Variants in AFF3 observed in about 807,000 individuals in gnomAD.
AFF3 encodes the protein ALF transcription elongation factor 3.
AFF3 carries 32 observed loss-of-function variants against 129.7 expected under a neutral mutation model. That is an observed-to-expected ratio of 0.25 (90% CI 0.19 to 0.33). The LOEUF (loss-of-function observed/expected upper bound fraction) is 0.33, where lower values mean the gene tolerates loss of function less well. Ranked by LOEUF, AFF3 falls within the 10% of genes least tolerant of loss-of-function variation. AFF3 has a pLI of 1.00. For missense variants in AFF3, 1,373 were observed against 1,592.0 expected (o/e 0.86, Z 2.34); for synonymous variants, 644 against 635.4 (o/e 1.01, Z -0.20).
intron 8 of AFF3, among the ~76,000 whole-genome samples, chr2:99,819,046 T>C (rs777500960): frequency 1.3e-5 from 2 of 152,236 alleles, no homozygotes; most frequent in Admixed American, 6.5e-5. Context: ...TATGCATTTA[T>C]TATGTCTGCA....
At chr2:99,862,819 A>G (rs1450501917) in intron 7 of AFF3, among the ~76,000 whole-genome samples, 3 of 152,272 alleles carry the variant, frequency 2.0e-5, no homozygotes, top group Non-Finnish European at 2.9e-5. Flanking sequence ...GCCAGACACC[A>G]AAAGGTTTCC....
intron 7 of AFF3, among the ~76,000 whole-genome samples, chr2:99,875,749 G>A (rs557018640): frequency 7.9e-5 from 12 of 152,274 alleles, no homozygotes; most frequent in Non-Finnish European, 1.0e-4. Flanking sequence ...CTGGAAGGCC[G>A]GTGAGCTCAG....
chr2:100,052,267 G>C (rs1686396965), intron 4 of AFF3, among the ~76,000 whole-genome samples: 1 of 152,152 alleles, frequency 6.6e-6, no homozygotes, highest in Non-Finnish European at 1.5e-5. Context: ...ATAGGATAAA[G>C]AATACGATTA....
chr2:99,970,884 C>T (rs910975830), intron 7 of AFF3, among the ~76,000 whole-genome samples: 1 of 152,232 alleles, frequency 6.6e-6, no homozygotes, highest in African/African-American at 2.4e-5. Flanking sequence ...GCTTGAGATC[C>T]TCAACCGTCA....
chr2:99,995,418 G>C (rs1246651392), intron 7 of AFF3, among the ~76,000 whole-genome samples: 1 of 151,728 alleles, frequency 6.6e-6, no homozygotes, highest in African/African-American at 2.4e-5. Context: ...TGTCACCCAG[G>C]CTAGAGTGCA....
rs116668943 is a variant in AFF3 at position 99,791,122 on chromosome 2, G to A, written c.922-38821C>T. ...CCGAACTAGGCTATACAGACCACAGGCACTTCAGTGATCATGTTGGCCTGG... is the reference window on the plus strand; with the variant it reads ...CCGAACTAGGCTATACAGACCACAGACACTTCAGTGATCATGTTGGCCTGG... On this transcript the variant is annotated intron_variant, in intron 8 of 24. Transcript: ENST00000672756. Among the ~76,000 whole-genome samples, 1,165 of 152,312 alleles carry A rather than the reference G, an allele frequency of 7.6e-3. 10 individuals are homozygous for A. Among genetic ancestry groups the A allele is most frequent in the Non-Finnish European group, 0.011 (741 of 68,022 alleles).
chr2:99,976,297 G>A (rs1205908889), intron 7 of AFF3, among the ~76,000 whole-genome samples: 3 of 152,064 alleles, frequency 2.0e-5, no homozygotes, highest in Non-Finnish European at 2.9e-5. Context: ...TCAATTAAGA[G>A]TTTTATGTAA....
intron 11 of AFF3, among the ~76,000 whole-genome samples, chr2:99,700,716 A>T (rs185912235): frequency 1.1e-4 from 17 of 152,344 alleles, no homozygotes; most frequent in African/African-American, 4.1e-4. Context: ...GGAGCTGGGA[A>T]GTTCCAGAGC....
intron 15 of AFF3, among the ~76,000 whole-genome samples, chr2:99,588,894 G>C (rs1038051895): frequency 7.2e-5 from 11 of 152,178 alleles, no homozygotes; most frequent in Non-Finnish European, 7.3e-5. Flanking sequence ...CACTTCTCTT[G>C]TGTCTGTGTT....
At chr2:99,592,385 G>T (rs1212491972) in intron 15 of AFF3, among the ~76,000 whole-genome samples, 1 of 152,140 alleles carries the variant, frequency 6.6e-6, no homozygotes, top group Non-Finnish European at 1.5e-5. Flanking sequence ...ACAGCTGCTG[G>T]TTCTGATGCT....
intron 4 of AFF3, among the ~76,000 whole-genome samples, chr2:100,054,950 G>A (rs1007732928): frequency 6.6e-6 from 1 of 152,152 alleles, no homozygotes; most frequent in African/African-American, 2.4e-5. Context: ...TCTCCAACAG[G>A]TGTGATTTGA....
chr2:99,709,055 CA>C (rs1305525605), intron 11 of AFF3, among the ~76,000 whole-genome samples: 1 of 152,012 alleles, frequency 6.6e-6, no homozygotes, highest in African/African-American at 2.4e-5. Context: ...GAAGGAGAAA[CA>C]AAATAATCAC....
intron 4 of AFF3, among the ~76,000 whole-genome samples, chr2:100,043,100 C>T (rs1685568581): frequency 6.6e-6 from 1 of 151,680 alleles, no homozygotes. Context: ...CAAGTGCAAA[C>T]AGACTTCAGC....
chr2:99,830,806 C>T (rs763399312), intron 8 of AFF3, among the ~76,000 whole-genome samples: 2 of 152,200 alleles, frequency 1.3e-5, no homozygotes, highest in Non-Finnish European at 2.9e-5. Flanking sequence ...TCACCTAGTG[C>T]TTTCATACCA....
At chr2:99,617,363 T>C (rs1409477234) in intron 13 of AFF3, among the ~76,000 whole-genome samples, 1 of 152,248 alleles carries the variant, frequency 6.6e-6, no homozygotes, top group Non-Finnish European at 1.5e-5. Flanking sequence ...GGGCGTGAAG[T>C]GGTGTCTCAC....
intron 7 of AFF3, among the ~76,000 whole-genome samples, chr2:99,852,069 G>A (rs113401584): frequency 6.7e-4 from 102 of 152,150 alleles, no homozygotes; most frequent in East Asian, 3.1e-3. Flanking sequence ...TACATTAACC[G>A]CCCTCTGAGC....
rs920080760 is a variant in AFF3 at position 100,107,099 on chromosome 2, G to C, written c.-144-1516C>G. On this transcript the variant is annotated intron_variant, in intron 2 of 24. Transcript: ENST00000672756. ...TTTCTGTTTGGGGCCTCTAACATGG[G>C]GATAGTTGGATTGATTATTTCCAGT... is the stretch of plus-strand genomic sequence containing the variant. The C allele has an allele frequency of 3.0e-6, 3 of 985,280 alleles. No homozygotes were observed. The African/African-American group carries it at 5.2e-5, about 17-fold the overall frequency. The allele number at this position is 985,280 out of a possible 1,614,324, so 61.0% of individuals were successfully genotyped here.
At chr2:100,056,400 T>C (rs1432494384) in intron 4 of AFF3, among the ~76,000 whole-genome samples, 1 of 152,176 alleles carries the variant, frequency 6.6e-6, no homozygotes, top group East Asian at 1.9e-4. Context: ...AGCTCACCCA[T>C]CTGTAGTTTC....
chr2:100,094,361 G>A (rs1690112477), intron 4 of AFF3, among the ~76,000 whole-genome samples: 1 of 152,084 alleles, frequency 6.6e-6, no homozygotes, highest in Non-Finnish European at 1.5e-5. Context: ...ATGGGAGACA[G>A]TTACAGATCA....
Sources: allele counts gnomAD v4.1 joint callset (sites outside exome capture counted in the v4.1 genomes callset), GRCh38; gene constraint gnomAD v4.1.1; transcripts MANE v1.5; gene names NCBI Gene and HGNC (gene_info 2026-07-23, HGNC 2026-07-21).